ABTB3: variants seen among roughly 807,000 people sequenced by gnomAD.
The protein encoded by ABTB3 is ankyrin repeat- and BTB/POZ domain-containing protein 3.
the ABTB3 span, among the ~76,000 whole-genome samples, chr12:107,484,544 C>T: frequency 6.6e-6 from 1 of 151,466 alleles, no homozygotes; most frequent in Non-Finnish European, 1.5e-5. Context: ...GTACTTTATT[C>T]CTAGTGGGAT....
chr12:107,502,237 G>A, the ABTB3 span, among the ~76,000 whole-genome samples: 23 of 151,878 alleles, frequency 1.5e-4, no homozygotes, highest in African/African-American at 5.1e-4. Flanking sequence ...GCTAATTTTT[G>A]TATATTTTTT....
At chr12:107,507,085 G>A in the ABTB3 span, among the ~76,000 whole-genome samples, 67 of 152,272 alleles carry the variant, frequency 4.4e-4, 3 homozygotes, top group Admixed American at 3.9e-3. Context: ...GTGTAAAGAG[G>A]CCAACTTCTG....
chr12:107,450,178 A>G, the ABTB3 span, among the ~76,000 whole-genome samples: 1 of 151,582 alleles, frequency 6.6e-6, no homozygotes, highest in Non-Finnish European at 1.5e-5. Context: ...CTTTCTTATG[A>G]CTTTTTTCTC....
At chr12:107,393,092 C>T in the ABTB3 span, among the ~76,000 whole-genome samples, 7 of 152,106 alleles carry the variant, frequency 4.6e-5, no homozygotes, top group Non-Finnish European at 5.9e-5. Flanking sequence ...CTGCAGCCGC[C>T]GCTGAAGAAG....
chr12:107,341,697 T>C, the ABTB3 span, among the ~76,000 whole-genome samples: 3 of 152,138 alleles, frequency 2.0e-5, no homozygotes, highest in African/African-American at 7.2e-5. Context: ...CTGGTATAGT[T>C]TGAATATTTG....
chr12:107,566,648 TACACACAC>T, the ABTB3 span, among the ~76,000 whole-genome samples: 209 of 136,454 alleles, frequency 1.5e-3, no homozygotes, highest in African/African-American at 5.9e-3. Flanking sequence ...CTAATTTAAA[TACACACAC>T]ACACACACAC....
At chr12:107,606,245 A>G in the ABTB3 span, among the ~76,000 whole-genome samples, 1 of 152,140 alleles carries the variant, frequency 6.6e-6, no homozygotes, top group African/African-American at 2.4e-5. Flanking sequence ...CTACATCAGG[A>G]CTTGTTGTGA....
At chr12:107,659,097 A>G in the ABTB3 span, 1 of 152,156 alleles carries the variant, frequency 6.6e-6, no homozygotes, top group Non-Finnish European at 1.5e-5. Flanking sequence ...AATGACTTTT[A>G]CCCTTGGGGA....
At chr12:107,511,582 T>A in the ABTB3 span, among the ~76,000 whole-genome samples, 15 of 152,126 alleles carry the variant, frequency 9.9e-5, no homozygotes, top group African/African-American at 3.4e-4. Flanking sequence ...GGCGGCAGGG[T>A]TCTAAGAGAG....
chr12:107,320,182 C>T, the ABTB3 span: 1 of 1,338,086 alleles, frequency 7.5e-7, no homozygotes, highest in Non-Finnish European at 9.7e-7. Context: ...GCGCTGCTGT[C>T]CCAAGCCGCT....
the ABTB3 span, among the ~76,000 whole-genome samples, chr12:107,327,701 T>C: frequency 6.6e-6 from 1 of 152,244 alleles, no homozygotes; most frequent in Non-Finnish European, 1.5e-5. Context: ...TAGTATAACC[T>C]GCTACCTGAC....
the ABTB3 span, chr12:107,580,981 G>T: frequency 3.9e-6 from 6 of 1,551,710 alleles, no homozygotes; most frequent in Non-Finnish European, 5.2e-6. Context: ...GTCTCCAAAG[G>T]CTCTCCCACT....
At chr12:107,638,438 G>C in the ABTB3 span, among the ~76,000 whole-genome samples, 1 of 152,172 alleles carries the variant, frequency 6.6e-6, no homozygotes, top group Non-Finnish European at 1.5e-5. Context: ...GCTTGGTCCT[G>C]CCCTCAATAG....
the ABTB3 span, among the ~76,000 whole-genome samples, chr12:107,408,597 C>T: frequency 4.5e-3 from 683 of 152,308 alleles, 5 homozygotes; most frequent in Middle Eastern, 0.048. Context: ...TTTTGTCTTA[C>T]ATAAATCTGT....
At chr12:107,532,729 C>CTGTCAAATG in the ABTB3 span, among the ~76,000 whole-genome samples, 2 of 152,136 alleles carry the variant, frequency 1.3e-5, no homozygotes, top group African/African-American at 4.8e-5. Flanking sequence ...TATAGTCAAA[C>CTGTCAAATG]TGTCAAATGT....
the ABTB3 span, among the ~76,000 whole-genome samples, chr12:107,423,787 T>G: frequency 2.2e-4 from 33 of 152,318 alleles, no homozygotes; most frequent in Non-Finnish European, 3.8e-4. Flanking sequence ...GCCTTGAGAA[T>G]GCAAGCCAGA....
At chr12:107,359,457 T>C in the ABTB3 span, among the ~76,000 whole-genome samples, 2 of 152,180 alleles carry the variant, frequency 1.3e-5, no homozygotes, top group East Asian at 1.9e-4. Context: ...GCTGGGTAAA[T>C]TCAGGGGATC....
chr12:107,491,458 A>G, the ABTB3 span, among the ~76,000 whole-genome samples: 57,755 of 152,034 alleles, frequency 0.38, 13,339 homozygotes, highest in African/African-American at 0.66. Flanking sequence ...GGGGCTGCAA[A>G]GGAAGGAAAT....
the ABTB3 span, among the ~76,000 whole-genome samples, chr12:107,562,445 A>G: frequency 1.3e-5 from 2 of 152,264 alleles, no homozygotes; most frequent in Admixed American, 1.3e-4. Context: ...TGCCAGGCAG[A>G]GAGAACAGTA....
Sources: gnomAD v4.1 joint callset for allele counts (sites outside exome capture counted in the v4.1 genomes callset) on GRCh38, gnomAD v4.1.1 for gene constraint, MANE v1.5 for transcripts, NCBI Gene and HGNC (gene_info 2026-07-23, HGNC 2026-07-21) for gene names.